Variants in ADD3 observed in about 807,000 individuals in gnomAD.
ADD3 encodes gamma-adducin.
A neutral mutation model predicts 80.2 loss-of-function variants in ADD3; 25 were observed. The observed-to-expected ratio is 0.31, with a 90% CI of 0.23 to 0.44. The LOEUF is 0.44. Ranked by LOEUF, ADD3 falls within the 20% of genes least tolerant of loss-of-function variation. ADD3 has a pLI of 1.00. For missense variants in ADD3, 829 were observed against 847.5 expected (o/e 0.98, Z 0.27); for synonymous variants, 284 against 289.6 (o/e 0.98, Z 0.20).
At chr10:110,052,212 C>A (rs1403211873) in intron 1 of ADD3, among the ~76,000 whole-genome samples, 1 of 152,204 alleles carries the variant, frequency 6.6e-6, no homozygotes, top group Non-Finnish European at 1.5e-5. Context: ...CATATCACCT[C>A]TGTCTACCTG....
chr10:110,122,102 G>C lies in ADD3; in HGVS notation c.961-8G>C, dbSNP rs753722457. On this transcript the variant is annotated splice_polypyrimidine_tract_variant and splice_region_variant and intron_variant, in intron 8 of 14. Transcript: ENST00000356080. ...TTGTGTCTCTGTATATTTTACCATT[G>C]ATTACAGGTGCAGGCCCTAGCAGGT... is the stretch of plus-strand genomic sequence containing the variant. The C allele has an allele frequency of 6.2e-7, 1 of 1,602,436 alleles. No individual in the cohort carries two copies. The highest frequency in any genetic ancestry group is 1.1e-5 in the South Asian group (1 of 88,978).
At chr10:110,124,767 C>T (rs1851933905) in intron 10 of ADD3, among the ~76,000 whole-genome samples, 1 of 152,134 alleles carries the variant, frequency 6.6e-6, no homozygotes, top group Non-Finnish European at 1.5e-5. Flanking sequence ...GTTATTTTAT[C>T]TTTTTCAGAA....
At chr10:110,113,166 C>T (rs772940097) in intron 3 of ADD3, among the ~76,000 whole-genome samples, 1 of 152,100 alleles carries the variant, frequency 6.6e-6, no homozygotes, top group Non-Finnish European at 1.5e-5. Context: ...TAGTCCCAGC[C>T]ACATGGGAGG....
chr10:110,046,255 A>G (rs1043243946), intron 1 of ADD3, among the ~76,000 whole-genome samples: 1 of 152,108 alleles, frequency 6.6e-6, no homozygotes, highest in Non-Finnish European at 1.5e-5. Context: ...GTATTTTCTT[A>G]TGATTTTCTT....
chr10:110,080,514 A>G (rs770051692), intron 1 of ADD3, among the ~76,000 whole-genome samples: 2 of 152,244 alleles, frequency 1.3e-5, no homozygotes, highest in African/African-American at 2.4e-5. Flanking sequence ...GTTGAATATC[A>G]TTCTATATTT....
At chr10:110,065,030 C>T (rs764429547) in intron 1 of ADD3, among the ~76,000 whole-genome samples, 4 of 151,924 alleles carry the variant, frequency 2.6e-5, no homozygotes, top group East Asian at 1.9e-4. Context: ...GGCGACAGAG[C>T]GAGACCCTGT....
rs1193653097 is a variant in ADD3, at chr10:110,123,473, G to C, written c.1144-544G>C. Among the ~76,000 whole-genome samples the C allele has an allele frequency of 2.6e-5, 4 of 152,250 alleles. No homozygotes were observed. The East Asian group carries it at 7.7e-4, about 29-fold the overall frequency. On this transcript the variant is annotated intron_variant, in intron 9 of 14. Coordinates refer to ENST00000356080, the MANE Select transcript of ADD3 (RefSeq NM_016824.5). ...TGATTAGTGATGTTTTAATACACTTGTTGACCATTTGTATGTCTTCTTTTG... is the reference window on the plus strand; with the variant it reads ...TGATTAGTGATGTTTTAATACACTTCTTGACCATTTGTATGTCTTCTTTTG...
chr10:110,085,185 G>A (rs1846564967), intron 1 of ADD3, among the ~76,000 whole-genome samples: 2 of 152,128 alleles, frequency 1.3e-5, no homozygotes, highest in African/African-American at 4.8e-5. Context: ...GCTAAATCCT[G>A]TTTTATCAGG....
intron 13 of ADD3, among the ~76,000 whole-genome samples, chr10:110,131,352 G>A (rs1483406208): frequency 6.6e-6 from 1 of 152,152 alleles, no homozygotes. Flanking sequence ...ATAAGCTTCA[G>A]GCAGTCCATG....
intron 1 of ADD3, among the ~76,000 whole-genome samples, chr10:110,026,929 A>T (rs143299577): frequency 1.3e-5 from 2 of 152,296 alleles, no homozygotes; most frequent in African/African-American, 4.8e-5. Context: ...GATTTCAGTA[A>T]TGTATTCGAA....
intron 1 of ADD3, among the ~76,000 whole-genome samples, chr10:110,043,128 G>C (rs1856554505): frequency 6.6e-6 from 1 of 152,228 alleles, no homozygotes; most frequent in African/African-American, 2.4e-5. Context: ...TTTTGTTTGT[G>C]TTTCAATTAT....
chr10:110,086,359 G>A (rs1345049847), intron 1 of ADD3, among the ~76,000 whole-genome samples: 2 of 152,094 alleles, frequency 1.3e-5, no homozygotes, highest in African/African-American at 4.8e-5. Context: ...GCAGTGAGCC[G>A]AGATCATGCC....
chr10:110,077,131 T>C (rs1414451047), intron 1 of ADD3: 2 of 152,228 alleles, frequency 1.3e-5, no homozygotes, highest in Non-Finnish European at 2.9e-5. Flanking sequence ...AAGTAATGGA[T>C]TGTCTATTGT....
chr10:110,058,224 C>CT (rs1451726649), intron 1 of ADD3, among the ~76,000 whole-genome samples: 2 of 151,900 alleles, frequency 1.3e-5, no homozygotes, highest in African/African-American at 4.8e-5. Context: ...AGGCAGCACT[C>CT]TGTCTCTCCT....
Position 110,117,369 on chromosome 10 carries a change from A to T in ADD3, c.514A>T (p.Ile172Phe), listed in dbSNP as rs753878301. ...SVRISKEQDH[I>F]IIIPRGLSFS... ...AAGAATAAGTAAGGAGCAAGACCAC[A>T]TTATAATAATTCCCAGAGGCCTATC... Residue 172 changes from isoleucine (I) to phenylalanine (F), a missense_variant, in exon 5 of 15, where the codon ATT becomes TTT. Coordinates refer to ENST00000356080, the MANE Select transcript of ADD3 (RefSeq NM_016824.5). The T allele has an allele frequency of 8.7e-6, 14 of 1,605,374 alleles. No homozygotes were observed. The South Asian group carries it at 1.3e-4, about 15-fold the overall frequency.
chr10:109,997,227 T>C (rs928506333), intron 1 of ADD3, among the ~76,000 whole-genome samples: 1 of 152,154 alleles, frequency 6.6e-6, no homozygotes, highest in East Asian at 1.9e-4. Context: ...CTTAAGTCTT[T>C]GTGTTATTAC....
chr10:110,113,010 C>T (rs1590177258), intron 3 of ADD3, 95 bp downstream of exon 3: 6 of 1,348,426 alleles, frequency 4.4e-6, no homozygotes, highest in Non-Finnish European at 6.1e-6. Context: ...GGGTTCAGTC[C>T]TTAAGTTTAT....
intron 12 of ADD3, 126 bp from the exon 13 acceptor site, chr10:110,130,237 A>G: frequency 2.1e-6 from 2 of 951,336 alleles, no homozygotes; most frequent in Non-Finnish European, 3.1e-6. Flanking sequence ...TGCATTTCTT[A>G]GGATTGTTGT....
intron 1 of ADD3, among the ~76,000 whole-genome samples, chr10:110,064,448 G>C (rs547237103): frequency 6.6e-6 from 1 of 152,148 alleles, no homozygotes; most frequent in Non-Finnish European, 1.5e-5. Context: ...GTAGATAGTG[G>C]TATCTCACTG....
Sources: gnomAD v4.1 joint callset for allele counts (sites outside exome capture counted in the v4.1 genomes callset) on GRCh38, gnomAD v4.1.1 for gene constraint, MANE v1.5 for transcripts, NCBI Gene and HGNC (gene_info 2026-07-23, HGNC 2026-07-21) for gene names.